CBLB: variants seen among roughly 807,000 people sequenced by gnomAD.
The protein encoded by CBLB is Cbl proto-oncogene B.
Under a neutral mutation model 104.9 loss-of-function variants are expected in CBLB, and 31 were observed. That is an observed-to-expected ratio of 0.30 (90% CI 0.22 to 0.40). The LOEUF (loss-of-function observed/expected upper bound fraction) is 0.40, where lower values mean the gene tolerates loss of function less well. CBLB is among the 10% of genes least tolerant of loss of function. CBLB has a pLI of 1.00. For synonymous variants in CBLB, 440 were observed against 422.6 expected (o/e 1.04, Z -0.51); for missense variants, 1,062 against 1,214.6 (o/e 0.87, Z 1.87).
At chr3:105,849,002 C>A (rs1275864240) in intron 3 of CBLB, among the ~76,000 whole-genome samples, 1 of 152,094 alleles carries the variant, frequency 6.6e-6, no homozygotes, top group Admixed American at 6.6e-5. Flanking sequence ...ATCAATAGAT[C>A]TCATAATGCT....
chr3:105,775,593 G>A (rs2079366983), intron 4 of CBLB, among the ~76,000 whole-genome samples: 1 of 152,148 alleles, frequency 6.6e-6, no homozygotes, highest in Non-Finnish European at 1.5e-5. Context: ...TTCTGAGGAC[G>A]CGCTCTCATT....
At chr3:105,769,035 C>T (rs942777296) in intron 4 of CBLB, among the ~76,000 whole-genome samples, 2 of 152,162 alleles carry the variant, frequency 1.3e-5, no homozygotes, top group Non-Finnish European at 2.9e-5. Flanking sequence ...TTATTGCCGC[C>T]GGGCGTGATG....
intron 3 of CBLB, among the ~76,000 whole-genome samples, chr3:105,805,978 G>A (rs1276552344): frequency 6.6e-6 from 1 of 151,480 alleles, no homozygotes; most frequent in East Asian, 1.9e-4. Context: ...AGGATAGGAA[G>A]CCAGTCACAT....
rs995727082 is a variant in CBLB, at chr3:105,745,943, T to G, written c.819A>C (p.Leu273=). ...FLTYDEVKAR[L]QKYSTKPGSY... ...TTCCGGGTTTGGTGCTATATTTCTG[T>G]AGTCGTGCTTTAACTTCATCATATG... is the stretch of plus-strand genomic sequence containing the variant. The change falls in exon 6 of 19, where the codon CTA becomes CTC. Residue 273 remains leucine (L), a synonymous_variant. Transcript: ENST00000394030. The G allele has an allele frequency of 6.2e-7, 1 of 1,611,982 alleles. No homozygotes were observed. The highest frequency in any genetic ancestry group is 1.7e-5 in the Admixed American group (1 of 59,998).
intron 9 of CBLB, 81 bp from the exon 10 acceptor site, chr3:105,720,331 A>T (rs960293745): frequency 1.3e-5 from 18 of 1,348,464 alleles, no homozygotes; most frequent in East Asian, 2.5e-5. Flanking sequence ...CTACAACTAT[A>T]AAAGTCACAC....
intron 4 of CBLB, among the ~76,000 whole-genome samples, chr3:105,768,886 G>C (rs2078525246): frequency 6.6e-6 from 1 of 152,070 alleles, no homozygotes; most frequent in Non-Finnish European, 1.5e-5. Context: ...AAAGAGGGAA[G>C]AGAGGCATCT....
intron 3 of CBLB, among the ~76,000 whole-genome samples, chr3:105,811,745 T>C (rs1358706724): frequency 6.6e-6 from 1 of 152,210 alleles, no homozygotes; most frequent in Non-Finnish European, 1.5e-5. Context: ...GTTTCACTCT[T>C]GTTCTCCGGG....
chr3:105,746,135 G>T, intron 5 of CBLB, 97 bp from the exon 6 acceptor site: 1 of 857,656 alleles, frequency 1.2e-6, no homozygotes, highest in Non-Finnish European at 1.8e-6. Context: ...ACATTATCTT[G>T]GATATTTTAA....
At chr3:105,867,268 G>C in intron 2 of CBLB, 142 bp downstream of exon 2, 3 of 911,680 alleles carry the variant, frequency 3.3e-6, no homozygotes, top group Non-Finnish European at 1.8e-6. Context: ...AAAAAACACA[G>C]AGTTGAAGAA....
intron 3 of CBLB, among the ~76,000 whole-genome samples, chr3:105,790,619 T>A (rs1345882571): frequency 6.6e-6 from 1 of 152,176 alleles, no homozygotes; most frequent in Non-Finnish European, 1.5e-5. Flanking sequence ...TACTTAGATA[T>A]AAAAACACAC....
At chr3:105,794,704 C>T (rs948728296) in intron 3 of CBLB, among the ~76,000 whole-genome samples, 1 of 151,924 alleles carries the variant, frequency 6.6e-6, no homozygotes, top group Non-Finnish European at 1.5e-5. Context: ...AAACAATTAA[C>T]AAGCCACAAC....
At chr3:105,702,944 C>T (rs1406563985) in intron 11 of CBLB, among the ~76,000 whole-genome samples, 1 of 152,068 alleles carries the variant, frequency 6.6e-6, no homozygotes, top group Non-Finnish European at 1.5e-5. Context: ...TACAGCAAAA[C>T]TGATATGGGG....
chr3:105,841,466 T>A (rs2089536857), intron 3 of CBLB, among the ~76,000 whole-genome samples: 1 of 151,902 alleles, frequency 6.6e-6, no homozygotes, highest in African/African-American at 2.4e-5. Flanking sequence ...ATATATATAT[T>A]TTTTGAGACG....
chr3:105,738,793 G>A (rs575973471), intron 7 of CBLB, among the ~76,000 whole-genome samples: 7 of 151,932 alleles, frequency 4.6e-5, no homozygotes, highest in Non-Finnish European at 7.4e-5. Flanking sequence ...ATAAATAACC[G>A]ACACTAGCAA....
chr3:105,727,551 A>T (rs564134233), intron 9 of CBLB, among the ~76,000 whole-genome samples: 9 of 151,640 alleles, frequency 5.9e-5, no homozygotes, highest in Non-Finnish European at 1.2e-4. Flanking sequence ...CTTTAATTAG[A>T]TCTCATTTGT....
intron 13 of CBLB, among the ~76,000 whole-genome samples, chr3:105,690,821 CAAAAA>C (rs1178398593): frequency 1.5e-5 from 1 of 65,770 alleles, no homozygotes; most frequent in Non-Finnish European, 3.2e-5. Flanking sequence ...GACTCCATCT[CAAAAA>C]AAAAAAAAAA....
chr3:105,749,763 A>G, intron 5 of CBLB: 1 of 316,936 alleles, frequency 3.2e-6, no homozygotes. Flanking sequence ...AATTATCAGA[A>G]ACCTTTAAAG....
chr3:105,784,010 C>T (rs1051976960), intron 3 of CBLB, among the ~76,000 whole-genome samples: 3 of 152,128 alleles, frequency 2.0e-5, no homozygotes, highest in South Asian at 2.1e-4. Flanking sequence ...GGATTAACAT[C>T]TCTTTGATGA....
intron 11 of CBLB, 39 bp from the exon 12 acceptor site, chr3:105,702,498 A>C (rs1237878573): frequency 2.1e-6 from 3 of 1,459,974 alleles, no homozygotes; most frequent in African/African-American, 1.5e-5. Flanking sequence ...AAAAAAAAAA[A>C]ACTAAAGGTT....
Sources: allele counts gnomAD v4.1 joint callset (sites outside exome capture counted in the v4.1 genomes callset), GRCh38; gene constraint gnomAD v4.1.1; transcripts MANE v1.5; gene names NCBI Gene and HGNC (gene_info 2026-07-23, HGNC 2026-07-21).